PEMT: variants seen among roughly 807,000 people sequenced by gnomAD.
PEMT encodes phospholipid methyltransferase.
Under a neutral mutation model 27.4 loss-of-function variants are expected in PEMT, and 23 were observed. That is an observed-to-expected ratio of 0.84 (90% confidence interval 0.60 to 1.19). The LOEUF (loss-of-function observed/expected upper bound fraction) is 1.19, where lower values mean the gene tolerates loss of function less well. PEMT is among the 50% of genes most tolerant of loss of function. The pLI, the probability that PEMT is intolerant of heterozygous loss-of-function variation, is 0.00. For synonymous variants in PEMT, 137 were observed against 139.1 expected (o/e 0.98, Z 0.11); for missense variants, 307 against 310.1 (o/e 0.99, Z 0.07).
chr17:17,552,417 C>A (rs144354937), intron 2 of PEMT, among the ~76,000 whole-genome samples: 122 of 152,356 alleles, frequency 8.0e-4, no homozygotes, highest in African/African-American at 2.8e-3. Flanking sequence ...TTGGGATTCT[C>A]ATGTCTAATA....
At chr17:17,522,128 G>C (rs1907312379) in intron 3 of PEMT, 152 bp downstream of exon 3, 1 of 634,468 alleles carries the variant, frequency 1.6e-6, no homozygotes, top group Non-Finnish European at 2.9e-6. Flanking sequence ...GCTGGGAGGG[G>C]TAGGGTGGCT....
intron 2 of PEMT, among the ~76,000 whole-genome samples, chr17:17,542,002 A>G (rs892696325): frequency 6.6e-6 from 1 of 151,956 alleles, no homozygotes; most frequent in African/African-American, 2.4e-5. Flanking sequence ...TTTTTTTGAG[A>G]TGCAGTCTTG....
chr17:17,518,054 C>T (rs1906973092), intron 3 of PEMT: 2 of 985,452 alleles, frequency 2.0e-6, no homozygotes, highest in Admixed American at 6.1e-5. Flanking sequence ...GTGCCCGCCA[C>T]ACCAGAGCAC....
intron 1 of PEMT, among the ~76,000 whole-genome samples, chr17:17,587,708 C>A (rs1206198581): frequency 2.0e-5 from 3 of 151,850 alleles, no homozygotes; most frequent in Non-Finnish European, 4.4e-5. Context: ...ATACAAAAAA[C>A]AAAACAAAAC....
At chr17:17,577,279 A>G (rs1597960324) in intron 1 of PEMT, 1 of 481,612 alleles carries the variant, frequency 2.1e-6, no homozygotes, top group East Asian at 4.1e-5. Flanking sequence ...AGCACCTCTG[A>G]AGAGGGGTGC....
chr17:17,516,517 AC>A (rs1906848947), intron 3 of PEMT, among the ~76,000 whole-genome samples: 1 of 152,178 alleles, frequency 6.6e-6, no homozygotes, highest in South Asian at 2.1e-4. Context: ...CCTCCTCACG[AC>A]CTGTAAACAG....
At chr17:17,509,846 G>A (rs749058701) in intron 4 of PEMT, among the ~76,000 whole-genome samples, 8 of 152,116 alleles carry the variant, frequency 5.3e-5, no homozygotes, top group African/African-American at 1.7e-4. Context: ...CTCTGCACAC[G>A]CTGTTCCCTC....
At chr17:17,534,262 C>A (rs1354416205) in intron 2 of PEMT, among the ~76,000 whole-genome samples, 1 of 152,204 alleles carries the variant, frequency 6.6e-6, no homozygotes, top group African/African-American at 2.4e-5. Flanking sequence ...CTACTCAGCA[C>A]TAAAAAGGAA....
At chr17:17,518,205 C>T (rs999337599) in intron 3 of PEMT, 12 of 957,012 alleles carry the variant, frequency 1.3e-5, no homozygotes, top group Non-Finnish European at 1.4e-5. Context: ...GCTCGGCTGT[C>T]TCCTCCCACA....
intron 2 of PEMT, among the ~76,000 whole-genome samples, chr17:17,554,566 T>C (rs1597925597): frequency 2.0e-5 from 3 of 152,356 alleles, no homozygotes; most frequent in Admixed American, 6.5e-5. Flanking sequence ...CAAGGTTTCA[T>C]CAGTGACGGC....
chr17:17,563,674 G>T (rs527571133), intron 2 of PEMT, among the ~76,000 whole-genome samples: 1 of 152,354 alleles, frequency 6.6e-6, no homozygotes, highest in African/African-American at 2.4e-5. Flanking sequence ...CAGGTGTACT[G>T]GGACCGCTGT....
chr17:17,559,261 G>T (rs959940461), intron 2 of PEMT, among the ~76,000 whole-genome samples: 12 of 152,198 alleles, frequency 7.9e-5, no homozygotes, highest in African/African-American at 2.9e-4. Context: ...AGGCAGTGGG[G>T]TCTGAAGGAA....
intron 2 of PEMT, among the ~76,000 whole-genome samples, chr17:17,562,186 C>T (rs1268518046): frequency 6.6e-6 from 1 of 152,236 alleles, no homozygotes; most frequent in African/African-American, 2.4e-5. Context: ...CACACACGGC[C>T]GAGGCCCTGA....
intron 2 of PEMT, among the ~76,000 whole-genome samples, chr17:17,547,158 C>G (rs570959814): frequency 2.6e-5 from 4 of 152,376 alleles, no homozygotes; most frequent in Admixed American, 2.0e-4. Context: ...CAAGGAGCTC[C>G]GAGGTGCTAT....
chr17:17,555,481 A>C (rs979188376), intron 2 of PEMT, among the ~76,000 whole-genome samples: 12 of 152,246 alleles, frequency 7.9e-5, no homozygotes, highest in Admixed American at 7.8e-4. Flanking sequence ...GGAACTTTCC[A>C]GAACTGCCAC....
intron 2 of PEMT, 91 bp from the exon 3 acceptor site, chr17:17,522,486 G>C: frequency 1.2e-6 from 1 of 805,936 alleles, no homozygotes; most frequent in Non-Finnish European, 2.1e-6. Flanking sequence ...TGCTTCCCAG[G>C]CTCCAAAGCC....
rs1238969900 is a variant in PEMT at position 17,512,542 on chromosome 17, A to G, written c.433T>C (p.Phe145Leu). 2 of 1,607,652 alleles carry G rather than the reference A, an allele frequency of 1.2e-6. No individual in the cohort carries two copies. Among genetic ancestry groups the G allele is most frequent in the Middle Eastern group, 1.7e-4 (1 of 6,048 alleles). ...GTTCCAGCGAACCCCAGTGCAAAGA[A>G]GCTGGAGAGCACGAGCACGACGCCC... ...GLGVVLVLSS[F>L]FALGFAGTFL... The change falls in exon 4 of 7, where the codon TTC (phenylalanine) becomes CTC (leucine). Residue 145 changes from phenylalanine to leucine, a missense_variant. Coordinates refer to ENST00000255389, the MANE Select transcript of PEMT (RefSeq NM_148172.3). This position sits in a 1 kb window ranked among gnomAD's most constrained non-coding sequence, Gnocchi z 6.3.
In PEMT at chr17:17,591,663, C is replaced by G. The variant is rs747259837; in HGVS notation, c.-37G>C. ...CTCAGGAGGCACCACGCGGGCCCCGCTGCAGCCACGCGCCCCCGGAACCGG... is the reference window on the plus strand; with the variant it reads ...CTCAGGAGGCACCACGCGGGCCCCGGTGCAGCCACGCGCCCCCGGAACCGG... On this transcript the variant is annotated 5_prime_UTR_variant, in exon 1 of 7. Transcript: ENST00000255389. 1 of 1,592,382 alleles carries G rather than the reference C, an allele frequency of 6.3e-7. No individual in the cohort carries two copies. Among genetic ancestry groups the G allele is most frequent in the South Asian group, 1.1e-5 (1 of 88,532 alleles).
chr17:17,505,929 G>C (rs545384293), intron 6 of PEMT, 81 bp from the exon 7 acceptor site: 11 of 1,493,332 alleles, frequency 7.4e-6, no homozygotes, highest in South Asian at 1.4e-5. Context: ...GCGTCCATCA[G>C]CTTGAGGGTG....
Sources: gnomAD v4.1 joint callset for allele counts (sites outside exome capture counted in the v4.1 genomes callset) on GRCh38, gnomAD v4.1.1 for gene constraint, Gnocchi (gnomAD v3.1) non-coding constraint, MANE v1.5 for transcripts, NCBI Gene and HGNC (gene_info 2026-07-23, HGNC 2026-07-21) for gene names.